The following CNTN5 variants were observed in gnomAD, a reference collection of about 807,000 sequenced individuals.
The protein encoded by CNTN5 is contactin 5, also known as contactin-5.
In CNTN5, 77 loss-of-function variants were observed where a neutral mutation model predicts 129.1. The observed-to-expected ratio is 0.60, with a 90% confidence interval of 0.50 to 0.72. The LOEUF (loss-of-function observed/expected upper bound fraction) is 0.72. Among genes scored for constraint, CNTN5 ranks in the 30% least tolerant of loss-of-function variants. The pLI is 0.00. For synonymous variants in CNTN5, 509 were observed against 465.6 expected (o/e 1.09, Z -1.20); for missense variants, 1,478 against 1,328.8 (o/e 1.11, Z -1.75).
chr11:99,496,998 T>C (rs992048218), intron 2 of CNTN5, among the ~76,000 whole-genome samples: 1 of 152,232 alleles, frequency 6.6e-6, no homozygotes, highest in African/African-American at 2.4e-5. Context: ...TTGTTTGATT[T>C]TATTCTCATA....
At chr11:99,872,915 A>T (rs993983100) in intron 6 of CNTN5, among the ~76,000 whole-genome samples, 2 of 152,172 alleles carry the variant, frequency 1.3e-5, no homozygotes, top group African/African-American at 4.8e-5. Flanking sequence ...AACTCTATAT[A>T]GCTAACCAAC....
intron 13 of CNTN5, among the ~76,000 whole-genome samples, chr11:100,161,834 C>CATACACACAT (rs1280416813): frequency 0.016 from 1,380 of 86,216 alleles, 29 homozygotes; most frequent in African/African-American, 0.043. Context: ...GCTTCCTACA[C>CATACACACAT]ACACACACAC....
chr11:100,271,063 A>G, intron 17 of CNTN5, 29 bp from the exon 18 acceptor site: 1 of 1,562,950 alleles, frequency 6.4e-7, no homozygotes, highest in South Asian at 1.2e-5. Context: ...AGTCCTCATA[A>G]TGACATGAAA....
chr11:100,246,456 T>C lies in CNTN5; in HGVS notation c.2006-9304T>C, dbSNP rs184175200. Among the ~76,000 whole-genome samples the C allele has an allele frequency of 1.5e-3, 223 of 152,274 alleles. 2 individuals are homozygous for C. The highest frequency in any genetic ancestry group is 5.2e-3 in the African/African-American group (217 of 41,570). ...GTACATAAACATTTTCTAGGCATCT[T>C]GTACAAAATACAAATCCTGGGGCTC... On this transcript the variant is annotated intron_variant, in intron 16 of 24. Transcript: ENST00000524871.
chr11:100,255,753 C>A lies in CNTN5; in HGVS notation c.2006-7C>A. On this transcript the variant is annotated splice_polypyrimidine_tract_variant and splice_region_variant and intron_variant, in intron 16 of 24. Coordinates refer to ENST00000524871, the MANE Select transcript of CNTN5 (RefSeq NM_014361.4). Reference sequence around the variant, plus strand: ...GCTTAACTTTATCCATTGCCTTTGACCTATAGGACCCCCAGGCCCACCTGG... The same window carrying A: ...GCTTAACTTTATCCATTGCCTTTGAACTATAGGACCCCCAGGCCCACCTGG... 4 of 1,612,960 alleles carry A rather than the reference C, an allele frequency of 2.5e-6. No homozygotes were observed. The highest frequency in any genetic ancestry group is 2.5e-6 in the Non-Finnish European group (3 of 1,179,216).
intron 9 of CNTN5, among the ~76,000 whole-genome samples, chr11:100,003,518 A>G (rs1413992539): frequency 1.3e-5 from 2 of 152,172 alleles, no homozygotes; most frequent in Non-Finnish European, 2.9e-5. Context: ...CAGTGCCAGA[A>G]TTTATACTAA....
At chr11:99,652,082 T>G (rs1230538265) in intron 3 of CNTN5, among the ~76,000 whole-genome samples, 2 of 152,056 alleles carry the variant, frequency 1.3e-5, no homozygotes, top group Non-Finnish European at 1.5e-5. Context: ...CTCACAAGAC[T>G]AAAATCAAGA....
intron 13 of CNTN5, among the ~76,000 whole-genome samples, chr11:100,152,437 A>G (rs1007261866): frequency 6.6e-6 from 1 of 151,962 alleles, no homozygotes; most frequent in Non-Finnish European, 1.5e-5. Flanking sequence ...CAAACAAAAA[A>G]CCCCCGCTGA....
intron 21 of CNTN5, among the ~76,000 whole-genome samples, chr11:100,330,324 G>T (rs968987828): frequency 6.6e-6 from 1 of 152,090 alleles, no homozygotes; most frequent in Non-Finnish European, 1.5e-5. Context: ...AAGAAGTTTG[G>T]GACTATGTTA....
At chr11:100,321,546 C>G (rs1951697020) in intron 21 of CNTN5, among the ~76,000 whole-genome samples, 1 of 151,996 alleles carries the variant, frequency 6.6e-6, no homozygotes, top group Admixed American at 6.6e-5. Context: ...CTTTTTCTTT[C>G]CCTTGTGTAT....
chr11:99,729,988 G>A (rs979376832), intron 3 of CNTN5, among the ~76,000 whole-genome samples: 4 of 152,164 alleles, frequency 2.6e-5, no homozygotes, highest in Non-Finnish European at 4.4e-5. Context: ...AGAGGTTAAC[G>A]TGTGCCATAG....
At chr11:99,666,509 T>A (rs558729590) in intron 3 of CNTN5, among the ~76,000 whole-genome samples, 2 of 152,286 alleles carry the variant, frequency 1.3e-5, no homozygotes, top group South Asian at 4.1e-4. Flanking sequence ...TAGGTCCTTT[T>A]TATGTCTGGG....
chr11:99,699,607 G>A (rs998614666), intron 3 of CNTN5, among the ~76,000 whole-genome samples: 2 of 151,392 alleles, frequency 1.3e-5, no homozygotes, highest in African/African-American at 4.8e-5. Flanking sequence ...GCCTAGCGAA[G>A]TATTAAGTGT....
intron 6 of CNTN5, among the ~76,000 whole-genome samples, chr11:99,890,549 T>C (rs944812355): frequency 1.3e-5 from 2 of 149,762 alleles, no homozygotes; most frequent in Non-Finnish European, 2.9e-5. Context: ...TACATACATA[T>C]ATGATTGAAA....
intron 9 of CNTN5, among the ~76,000 whole-genome samples, chr11:100,036,329 C>A (rs1186510357): frequency 6.6e-6 from 1 of 151,986 alleles, no homozygotes; most frequent in African/African-American, 2.4e-5. Flanking sequence ...TGGTCTATAT[C>A]TCTGTTTTGG....
chr11:99,086,298 C>T (rs1866003118), intron 1 of CNTN5, among the ~76,000 whole-genome samples: 1 of 152,126 alleles, frequency 6.6e-6, no homozygotes, highest in African/African-American at 2.4e-5. Flanking sequence ...TTAGACAAGC[C>T]AATTGTATTA....
At chr11:100,145,397 A>T (rs899926551) in intron 13 of CNTN5, among the ~76,000 whole-genome samples, 2 of 152,228 alleles carry the variant, frequency 1.3e-5, no homozygotes, top group Middle Eastern at 3.4e-3. Flanking sequence ...CTCATTGATC[A>T]CTAATCTCTT....
chr11:99,922,484 G>A (rs113506212), intron 7 of CNTN5, among the ~76,000 whole-genome samples: 21 of 152,284 alleles, frequency 1.4e-4, no homozygotes, highest in African/African-American at 5.1e-4. Flanking sequence ...GAATGAGATT[G>A]ATATTATGAA....
intron 1 of CNTN5, among the ~76,000 whole-genome samples, chr11:99,190,614 A>C (rs896463198): frequency 6.6e-6 from 1 of 151,364 alleles, no homozygotes; most frequent in African/African-American, 2.4e-5. Flanking sequence ...AGAGGTCTTA[A>C]ATTCATGCCT....
Sources: allele counts gnomAD v4.1 joint callset (sites outside exome capture counted in the v4.1 genomes callset), GRCh38; gene constraint gnomAD v4.1.1; transcripts MANE v1.5; gene names NCBI Gene and HGNC (gene_info 2026-07-23, HGNC 2026-07-21).